HEMK2: variants seen among roughly 807,000 people sequenced by gnomAD.
HEMK2 encodes methyltransferase HEMK2.
chr21:28,741,264 CA>C, the HEMK2 span, among the ~76,000 whole-genome samples: 2 of 152,012 alleles, frequency 1.3e-5, no homozygotes, highest in Non-Finnish European at 2.9e-5. Context: ...ATTTTACCTC[CA>C]AAAAAGATGA....
chr21:28,766,315 T>A, the HEMK2 span, among the ~76,000 whole-genome samples: 1,239 of 151,654 alleles, frequency 8.2e-3, 15 homozygotes, highest in African/African-American at 0.025. Flanking sequence ...ATTTTTTTTT[T>A]TTAAAAAAGA....
At chr21:28,880,701 C>A in the HEMK2 span, among the ~76,000 whole-genome samples, 36 of 151,382 alleles carry the variant, frequency 2.4e-4, no homozygotes, top group African/African-American at 8.5e-4. Context: ...CAAGATTGCG[C>A]CACTACACTC....
the HEMK2 span, among the ~76,000 whole-genome samples, chr21:28,691,697 A>C: frequency 1.7e-5 from 2 of 116,576 alleles, no homozygotes; most frequent in African/African-American, 9.1e-5. Flanking sequence ...CAAGTTGGCA[A>C]GAGATAGTGA....
chr21:28,763,119 C>T, the HEMK2 span, among the ~76,000 whole-genome samples: 166 of 152,206 alleles, frequency 1.1e-3, no homozygotes, highest in African/African-American at 3.8e-3. Flanking sequence ...AATGGGACAC[C>T]CTTGCTATGT....
the HEMK2 span, among the ~76,000 whole-genome samples, chr21:28,781,872 C>T: frequency 6.6e-6 from 1 of 152,108 alleles, no homozygotes; most frequent in Non-Finnish European, 1.5e-5. Flanking sequence ...TTTTCTGGCC[C>T]CAAGGCTTCT....
the HEMK2 span, among the ~76,000 whole-genome samples, chr21:28,716,081 T>C: frequency 6.6e-6 from 1 of 152,148 alleles, no homozygotes; most frequent in African/African-American, 2.4e-5. Flanking sequence ...TTGTGATGCT[T>C]CCAGCTTTAT....
chr21:28,766,269 A>G, the HEMK2 span, among the ~76,000 whole-genome samples: 2 of 152,004 alleles, frequency 1.3e-5, no homozygotes, highest in Non-Finnish European at 2.9e-5. Flanking sequence ...AAACCTGCAC[A>G]TTGTGGACAT....
chr21:28,622,856 C>T, the HEMK2 span, among the ~76,000 whole-genome samples: 12 of 152,056 alleles, frequency 7.9e-5, no homozygotes, highest in South Asian at 4.1e-4. Context: ...AAGACTTAAA[C>T]GTAAGACCTA....
At chr21:28,799,592 A>C in the HEMK2 span, among the ~76,000 whole-genome samples, 1 of 152,182 alleles carries the variant, frequency 6.6e-6, no homozygotes, top group African/African-American at 2.4e-5. Flanking sequence ...AAGAGCTCAC[A>C]GTTTTCAAAT....
the HEMK2 span, among the ~76,000 whole-genome samples, chr21:28,671,969 T>C: frequency 6.6e-6 from 1 of 152,164 alleles, no homozygotes; most frequent in African/African-American, 2.4e-5. Flanking sequence ...CTGTGACTTA[T>C]TCACTCTACA....
the HEMK2 span, among the ~76,000 whole-genome samples, chr21:28,622,467 T>G: frequency 6.6e-6 from 1 of 152,176 alleles, no homozygotes; most frequent in Admixed American, 6.5e-5. Context: ...TTCACAGAAT[T>G]AGAAGAAACT....
chr21:28,864,820 CAGATAGAT>C, the HEMK2 span, among the ~76,000 whole-genome samples: 58 of 119,204 alleles, frequency 4.9e-4, no homozygotes, highest in Middle Eastern at 4.0e-3. Context: ...GACAGACAGA[CAGATAGAT>C]AGATAGATAG....
the HEMK2 span, among the ~76,000 whole-genome samples, chr21:28,602,263 A>G: frequency 1.3e-5 from 2 of 152,146 alleles, no homozygotes; most frequent in African/African-American, 4.8e-5. Flanking sequence ...GAGCACCTAC[A>G]ATGTGCTTAT....
At chr21:28,819,574 C>T in the HEMK2 span, among the ~76,000 whole-genome samples, 25 of 114,814 alleles carry the variant, frequency 2.2e-4, no homozygotes, top group African/African-American at 7.9e-4. Flanking sequence ...CAGACAGAGT[C>T]TTAATCTGTC....
chr21:28,828,914 T>C, the HEMK2 span, among the ~76,000 whole-genome samples: 2 of 152,228 alleles, frequency 1.3e-5, no homozygotes, highest in Non-Finnish European at 2.9e-5. Flanking sequence ...ACAGTGATTA[T>C]TATAAGCAGG....
At chr21:28,857,497 G>A in the HEMK2 span, among the ~76,000 whole-genome samples, 2 of 152,104 alleles carry the variant, frequency 1.3e-5, no homozygotes, top group East Asian at 3.9e-4. Flanking sequence ...AATTCTGAAA[G>A]AGAAATAATT....
At chr21:28,613,619 CTTTTTTTTTTT>C in the HEMK2 span, among the ~76,000 whole-genome samples, 809 of 82,750 alleles carry the variant, frequency 9.8e-3, 18 homozygotes, top group Admixed American at 0.1. Flanking sequence ...TCTGCATATT[CTTTTTTTTTTT>C]TTTTTTTTTT....
chr21:28,768,908 A>G, the HEMK2 span, among the ~76,000 whole-genome samples: 1 of 151,994 alleles, frequency 6.6e-6, no homozygotes, highest in Non-Finnish European at 1.5e-5. Context: ...GTGAGCATGC[A>G]CAGAGAAAAG....
chr21:28,638,877 C>A, the HEMK2 span, among the ~76,000 whole-genome samples: 1 of 152,146 alleles, frequency 6.6e-6, no homozygotes, highest in African/African-American at 2.4e-5. Context: ...GTGAAATCTG[C>A]CAGGCTATTT....
Sources: gnomAD v4.1 joint callset for allele counts (sites outside exome capture counted in the v4.1 genomes callset) on GRCh38, gnomAD v4.1.1 for gene constraint, MANE v1.5 for transcripts, NCBI Gene and HGNC (gene_info 2026-07-23, HGNC 2026-07-21) for gene names.